ME3: variants seen among roughly 807,000 people sequenced by gnomAD.
The protein encoded by ME3 is malic enzyme 3.
In ME3, 48 loss-of-function variants were observed where a neutral mutation model predicts 68.9. The ratio of observed to expected loss-of-function variants is 0.70; its 90% CI spans 0.55 to 0.89. The LOEUF (loss-of-function observed/expected upper bound fraction) is 0.89, where lower values mean the gene tolerates loss of function less well. Ranked by LOEUF, ME3 falls within the 40% of genes least tolerant of loss-of-function variation. The pLI is 0.00. For missense variants in ME3, 675 were observed against 797.4 expected (o/e 0.85, Z 1.85); for synonymous variants, 320 against 318.8 (o/e 1.00, Z -0.04).
chr11:86,600,904 T>G (rs11561000), intron 2 of ME3, among the ~76,000 whole-genome samples: 1 of 144,776 alleles, frequency 6.9e-6, no homozygotes, highest in East Asian at 2.1e-4. Context: ...TTGAAACCAA[T>G]GAGAACAAAG....
At chr11:86,576,504 G>A (rs1261358098) in intron 2 of ME3, among the ~76,000 whole-genome samples, 2 of 152,172 alleles carry the variant, frequency 1.3e-5, no homozygotes, top group Non-Finnish European at 2.9e-5. Context: ...TGGGGCTCAG[G>A]AGGACCACTT....
At chr11:86,611,942 A>T (rs148213185) in intron 2 of ME3, among the ~76,000 whole-genome samples, 137 of 152,132 alleles carry the variant, frequency 9.0e-4, no homozygotes, top group Middle Eastern at 6.8e-3. Flanking sequence ...TTTATTTTTA[A>T]TTTTTATTTC....
At chr11:86,654,650 G>T (rs9735826) in intron 2 of ME3, among the ~76,000 whole-genome samples, 38,380 of 151,970 alleles carry the variant, frequency 0.25, 5,020 homozygotes, top group African/African-American at 0.32. Context: ...ATACTGAATG[G>T]GCAAAAACTG....
At chr11:86,447,390 C>T (rs1949371819) in intron 11 of ME3, among the ~76,000 whole-genome samples, 183 bp from the exon 12 acceptor site, 1 of 152,200 alleles carries the variant, frequency 6.6e-6, no homozygotes, top group African/African-American at 2.4e-5. Flanking sequence ...CCTGAGACCT[C>T]CTTTTCATCT....
intron 2 of ME3, among the ~76,000 whole-genome samples, chr11:86,656,758 A>T (rs1434716154): frequency 1.3e-5 from 2 of 152,216 alleles, no homozygotes; most frequent in East Asian, 3.8e-4. Flanking sequence ...TAATAAAAAA[A>T]ATTTACAAGA....
At chr11:86,491,291 G>A (rs190192808) in intron 6 of ME3, among the ~76,000 whole-genome samples, 1 of 152,284 alleles carries the variant, frequency 6.6e-6, no homozygotes, top group Non-Finnish European at 1.5e-5. Flanking sequence ...TGGGTCTCAT[G>A]ACGAAGCATC....
chr11:86,613,499 T>C (rs1055929236), intron 2 of ME3, among the ~76,000 whole-genome samples: 3 of 152,150 alleles, frequency 2.0e-5, no homozygotes, highest in African/African-American at 4.8e-5. Flanking sequence ...AAATAAAGCA[T>C]ATTCAAATAA....
chr11:86,589,388 T>A (rs1958929353), intron 2 of ME3, among the ~76,000 whole-genome samples: 1 of 151,984 alleles, frequency 6.6e-6, no homozygotes, highest in Admixed American at 6.5e-5. Context: ...AATATATGAA[T>A]GAATGAATGA....
chr11:86,649,638 G>A (rs566531886), intron 2 of ME3, among the ~76,000 whole-genome samples: 3 of 152,248 alleles, frequency 2.0e-5, no homozygotes, highest in African/African-American at 7.2e-5. Flanking sequence ...AAATCAATGT[G>A]CAAAAATCAC....
At chr11:86,529,971 TC>T (rs1488513919) in intron 4 of ME3, among the ~76,000 whole-genome samples, 2 of 152,084 alleles carry the variant, frequency 1.3e-5, no homozygotes, top group Non-Finnish European at 2.9e-5. Context: ...CTCTCACCAC[TC>T]CTATTCAACA....
At chr11:86,513,269 A>G (rs943588037) in intron 4 of ME3, among the ~76,000 whole-genome samples, 9 of 152,346 alleles carry the variant, frequency 5.9e-5, no homozygotes, top group Non-Finnish European at 8.8e-5. Context: ...TTCTATATGT[A>G]TAATTTCATG....
chr11:86,465,310 G>T, intron 7 of ME3, 110 bp from the exon 8 acceptor site: 1 of 790,954 alleles, frequency 1.3e-6, no homozygotes, highest in East Asian at 2.6e-5. Flanking sequence ...GGTGGGAGGT[G>T]GCATGGCTCC....
At position 86,627,987 on chromosome 11, in the gene ME3, A is replaced by G. The variant is rs79278674; in HGVS notation, c.183+43775T>C. ...TCCAGCTAAAGTCCCCCCACCCTCC[A>G]TGTCCAGTCACCATGTGTGCGGTAC... On this transcript the variant is annotated intron_variant, in intron 2 of 14. Coordinates refer to ENST00000543262, the Ensembl canonical transcript of ME3. 4.3e-3 allele frequency among the ~76,000 whole-genome samples: 660 copies of G among 152,286 alleles called. 5 individuals carry two copies. The highest frequency in any genetic ancestry group is 0.015 in the African/African-American group (613 of 41,568).
intron 2 of ME3, among the ~76,000 whole-genome samples, chr11:86,628,824 A>G (rs943320897): frequency 3.9e-5 from 6 of 152,198 alleles, no homozygotes; most frequent in Non-Finnish European, 8.8e-5. Context: ...TGTGAGCCTC[A>G]GTTTTATAGT....
intron 4 of ME3, among the ~76,000 whole-genome samples, 174 bp from the exon 5 acceptor site, chr11:86,509,041 T>C (rs1953302758): frequency 6.6e-6 from 1 of 152,188 alleles, no homozygotes; most frequent in African/African-American, 2.4e-5. Flanking sequence ...TTTCTTCCAA[T>C]TGCTTCTCTC....
At chr11:86,482,556 T>G (rs970225767) in intron 7 of ME3, among the ~76,000 whole-genome samples, 8 of 150,888 alleles carry the variant, frequency 5.3e-5, no homozygotes, top group African/African-American at 2.0e-4. Flanking sequence ...CTAGTATTTA[T>G]TTCCTTGTAT....
At chr11:86,520,944 C>T (rs957741739) in intron 4 of ME3, among the ~76,000 whole-genome samples, 1 of 152,212 alleles carries the variant, frequency 6.6e-6, no homozygotes, top group African/African-American at 2.4e-5. Flanking sequence ...TTCCAAAACT[C>T]TAGAGTTCCA....
At chr11:86,549,967 A>C (rs546574184) in intron 4 of ME3, among the ~76,000 whole-genome samples, 2 of 152,318 alleles carry the variant, frequency 1.3e-5, no homozygotes, top group South Asian at 4.1e-4. Context: ...TACGGGATGC[A>C]GATTATCAAC....
rs987229156 is a variant in ME3, at chr11:86,508,658, T to G, written c.543+134A>C. ...TATTTGTACTTGGCTATAACAGGTC[T>G]GTGGCTTAGGAATGGGAGGTAGTAT... On this transcript the variant is annotated intron_variant, in intron 5 of 14. Transcript: ENST00000543262. 16 of 767,278 alleles carry G rather than the reference T, an allele frequency of 2.1e-5. No homozygotes were observed. In the African/African-American group the frequency reaches 2.8e-4, roughly 13 times the overall value. The allele number at this position is 767,278 out of a possible 1,614,324, so 47.5% of individuals were successfully genotyped here.
Sources: gnomAD v4.1 joint callset for allele counts (sites outside exome capture counted in the v4.1 genomes callset) on GRCh38, gnomAD v4.1.1 for gene constraint, MANE v1.5 for transcripts, NCBI Gene and HGNC (gene_info 2026-07-23, HGNC 2026-07-21) for gene names.